QTMAN: variants seen among roughly 807,000 people sequenced by gnomAD.
QTMAN encodes tRNA-queuosine alpha-mannosyltransferase.
the QTMAN span, among the ~76,000 whole-genome samples, chr2:144,172,588 C>A: frequency 7.3e-6 from 1 of 136,416 alleles, no homozygotes; most frequent in South Asian, 2.3e-4. Context: ...TGTGCCACTA[C>A]ACTCCAGCCT....
the QTMAN span, among the ~76,000 whole-genome samples, chr2:144,217,520 T>C: frequency 3.3e-5 from 5 of 152,100 alleles, no homozygotes; most frequent in Non-Finnish European, 7.4e-5. Flanking sequence ...TTGCATACAA[T>C]ATTTAATAAT....
At chr2:144,211,903 G>A in the QTMAN span, among the ~76,000 whole-genome samples, 4 of 152,226 alleles carry the variant, frequency 2.6e-5, no homozygotes, top group Non-Finnish European at 5.9e-5. Flanking sequence ...CATGTAGGGT[G>A]AATACAGACA....
At chr2:144,331,587 AG>A in the QTMAN span, among the ~76,000 whole-genome samples, 1 of 152,136 alleles carries the variant, frequency 6.6e-6, no homozygotes, top group Middle Eastern at 3.2e-3. Flanking sequence ...CATTAACTTA[AG>A]AATCTCAAGA....
At chr2:143,967,609 G>A in the QTMAN span, among the ~76,000 whole-genome samples, 2 of 152,188 alleles carry the variant, frequency 1.3e-5, no homozygotes, top group Admixed American at 1.3e-4. Flanking sequence ...GGGATTACAG[G>A]TGTGAGCCAC....
At chr2:144,113,360 G>T in the QTMAN span, among the ~76,000 whole-genome samples, 1 of 151,508 alleles carries the variant, frequency 6.6e-6, no homozygotes, top group Non-Finnish European at 1.5e-5. Context: ...ATAACAAAAA[G>T]AATCGGTGAC....
chr2:144,235,978 A>AATC, the QTMAN span, among the ~76,000 whole-genome samples: 1 of 150,750 alleles, frequency 6.6e-6, no homozygotes, highest in East Asian at 1.9e-4. Context: ...TAATAATAAT[A>AATC]ATTATTATTA....
At chr2:144,252,734 T>G in the QTMAN span, among the ~76,000 whole-genome samples, 1 of 152,220 alleles carries the variant, frequency 6.6e-6, no homozygotes, top group Admixed American at 6.5e-5. Flanking sequence ...ATCCAGCAAC[T>G]GTGCTTCTTG....
the QTMAN span, among the ~76,000 whole-genome samples, chr2:144,061,690 A>C: frequency 1.3e-5 from 2 of 152,118 alleles, no homozygotes; most frequent in African/African-American, 4.8e-5. Flanking sequence ...CCCACCCTCA[A>C]GCCTGGACCC....
the QTMAN span, among the ~76,000 whole-genome samples, chr2:144,152,487 T>G: frequency 3.9e-5 from 6 of 152,222 alleles, no homozygotes; most frequent in African/African-American, 9.6e-5. Flanking sequence ...AAAAGACACT[T>G]TGTAATTATG....
chr2:144,076,285 A>C, the QTMAN span, among the ~76,000 whole-genome samples: 1 of 152,104 alleles, frequency 6.6e-6, no homozygotes, highest in Non-Finnish European at 1.5e-5. Flanking sequence ...TATGAACACC[A>C]CATCAGGGCA....
At chr2:144,292,915 A>T in the QTMAN span, among the ~76,000 whole-genome samples, 6 of 152,194 alleles carry the variant, frequency 3.9e-5, no homozygotes, top group African/African-American at 1.4e-4. Context: ...TCAATTTCAG[A>T]AACACTCAAA....
the QTMAN span, among the ~76,000 whole-genome samples, chr2:144,082,864 C>A: frequency 6.6e-6 from 1 of 151,910 alleles, no homozygotes; most frequent in Admixed American, 6.6e-5. Context: ...GAGGGGTTAT[C>A]ATCTAAAAGG....
the QTMAN span, among the ~76,000 whole-genome samples, chr2:144,137,746 C>T: frequency 8.0e-4 from 121 of 152,064 alleles, no homozygotes; most frequent in South Asian, 4.6e-3. Context: ...AGTACATGCG[C>T]GTCAGAGACA....
the QTMAN span, among the ~76,000 whole-genome samples, chr2:144,049,236 C>A: frequency 1.3e-5 from 2 of 152,152 alleles, no homozygotes; most frequent in East Asian, 3.8e-4. Context: ...CAAAAACATG[C>A]TGCTGTTTTC....
chr2:144,051,803 C>T, the QTMAN span, among the ~76,000 whole-genome samples: 1 of 152,092 alleles, frequency 6.6e-6, no homozygotes, highest in Admixed American at 6.5e-5. Flanking sequence ...ATGGGCAAGA[C>T]ACTGAAGGGC....
the QTMAN span, among the ~76,000 whole-genome samples, chr2:144,282,909 G>A: frequency 1.3e-5 from 2 of 152,104 alleles, no homozygotes; most frequent in Non-Finnish European, 2.9e-5. Flanking sequence ...CCTCCAGAAA[G>A]ATACCTGAAC....
the QTMAN span, chr2:143,947,123 G>C: frequency 6.2e-7 from 1 of 1,613,202 alleles, no homozygotes; most frequent in Non-Finnish European, 8.5e-7. Flanking sequence ...CAAGAAAACG[G>C]AGCGATTTCA....
the QTMAN span, among the ~76,000 whole-genome samples, chr2:144,315,704 A>G: frequency 6.6e-6 from 1 of 152,182 alleles, no homozygotes; most frequent in African/African-American, 2.4e-5. Flanking sequence ...ACCTCTGTCC[A>G]ACTGTCTTAT....
chr2:144,269,430 G>T, the QTMAN span, among the ~76,000 whole-genome samples: 1 of 151,978 alleles, frequency 6.6e-6, no homozygotes, highest in Non-Finnish European at 1.5e-5. Context: ...AACTGTGAAT[G>T]ATATCGTTAA....
Sources: gnomAD v4.1 joint callset for allele counts (sites outside exome capture counted in the v4.1 genomes callset) on GRCh38, gnomAD v4.1.1 for gene constraint, MANE v1.5 for transcripts, NCBI Gene and HGNC (gene_info 2026-07-23, HGNC 2026-07-21) for gene names.